SUPT3H: variants seen among roughly 807,000 people sequenced by gnomAD.
The protein encoded by SUPT3H is SPT3 homolog, SAGA and STAGA complex component, also known as transcription initiation protein SPT3 homolog.
A neutral mutation model predicts 44.3 loss-of-function variants in SUPT3H; 44 were observed. The observed-to-expected ratio is 0.99, with a 90% CI of 0.78 to 1.28. The LOEUF (loss-of-function observed/expected upper bound fraction) is 1.28. SUPT3H is among the 50% of genes most tolerant of loss of function. The pLI, the probability that SUPT3H is intolerant of heterozygous loss-of-function variation, is 0.00. For missense variants in SUPT3H, 380 were observed against 387.1 expected (o/e 0.98, Z 0.15); for synonymous variants, 124 against 125.6 (o/e 0.99, Z 0.09).
At chr6:45,245,901 C>T (rs747888446) in intron 2 of SUPT3H, among the ~76,000 whole-genome samples, 4 of 152,112 alleles carry the variant, frequency 2.6e-5, no homozygotes, top group South Asian at 2.1e-4. Context: ...TCCTACCAGC[C>T]ATGCAGAAGT....
chr6:45,271,338 C>T (rs1230238534), intron 2 of SUPT3H, among the ~76,000 whole-genome samples: 1 of 152,166 alleles, frequency 6.6e-6, no homozygotes, highest in Non-Finnish European at 1.5e-5. Context: ...AAATGGTTTC[C>T]TGGGCCAGGC....
chr6:45,095,668 C>T lies in SUPT3H; in HGVS notation c.186+10254G>A, dbSNP rs1797697175. 6.6e-6 allele frequency among the ~76,000 whole-genome samples: 1 copy of T among 152,106 alleles called. No individual in the cohort carries two copies. The highest frequency in any genetic ancestry group is 1.5e-5 in the Non-Finnish European group (1 of 67,990). ...AATGGAATGGTAATTACATTCTATGCATAAAATGTAGTGAATCTTTTGATA... is the reference window on the plus strand; with the variant it reads ...AATGGAATGGTAATTACATTCTATGTATAAAATGTAGTGAATCTTTTGATA... On this transcript the variant is annotated intron_variant, in intron 3 of 10. Transcript: ENST00000371459. This position sits in a 1 kb window ranked among gnomAD's most constrained non-coding sequence, Gnocchi z 4.1.
intron 3 of SUPT3H, among the ~76,000 whole-genome samples, chr6:45,039,380 T>C (rs1788163353): frequency 6.6e-6 from 1 of 152,010 alleles, no homozygotes; most frequent in African/African-American, 2.4e-5. Flanking sequence ...CAAAACAAAA[T>C]AGCAAAATGT....
At chr6:45,112,605 A>G (rs898027998) in intron 2 of SUPT3H, among the ~76,000 whole-genome samples, 1 of 152,034 alleles carries the variant, frequency 6.6e-6, no homozygotes, top group African/African-American at 2.4e-5. Context: ...CTAACAGAGG[A>G]GAAGGGCTGA....
chr6:45,328,872 A>G (rs1390839864), intron 2 of SUPT3H: 2 of 1,345,654 alleles, frequency 1.5e-6, no homozygotes, highest in Admixed American at 3.4e-5. Context: ...AGCTTTTCCA[A>G]ATAGCATATT....
At chr6:45,087,117 C>A (rs886247301) in intron 3 of SUPT3H, among the ~76,000 whole-genome samples, 2 of 151,764 alleles carry the variant, frequency 1.3e-5, no homozygotes, top group African/African-American at 2.4e-5. Context: ...TAAAGCATAG[C>A]AAATTTTTAC....
intron 2 of SUPT3H, among the ~76,000 whole-genome samples, chr6:45,202,279 C>T (rs950559409): frequency 6.6e-6 from 1 of 151,704 alleles, no homozygotes; most frequent in Non-Finnish European, 1.5e-5. Flanking sequence ...TGATACCTTC[C>T]TTGGAACGTT....
intron 6 of SUPT3H, among the ~76,000 whole-genome samples, chr6:44,973,811 T>G (rs1264370844): frequency 6.6e-6 from 1 of 152,132 alleles, no homozygotes; most frequent in Non-Finnish European, 1.5e-5. Flanking sequence ...CTTCTTCACA[T>G]GGTGGCAGCA....
At position 45,020,736 on chromosome 6, in the gene SUPT3H, T is replaced by C. The variant is rs59495257; in HGVS notation, c.187-104A>G. 1.2e-3 allele frequency: 851 copies of C among 704,296 alleles called. 7 individuals are homozygous for C. In the African/African-American group the frequency reaches 0.014, roughly 12 times the overall value. 43.6% of individuals were successfully genotyped at this position (704,296 alleles called of 1,614,324 possible). A position where few individuals can be genotyped will look rare whatever the true frequency, so the allele number is the denominator to read the frequency against. On this transcript the variant is annotated intron_variant, in intron 3 of 10. Transcript: ENST00000371459. ...TAAATATACTAAGAGTTAAAAACCT[T>C]TGGGAAATAATCCAGCAATCACATT...
At chr6:44,967,748 A>C (rs751512033) in intron 6 of SUPT3H, among the ~76,000 whole-genome samples, 3 of 152,170 alleles carry the variant, frequency 2.0e-5, no homozygotes, top group African/African-American at 7.2e-5. Flanking sequence ...CATAACTTTC[A>C]AACCAAGATG....
At chr6:44,970,285 A>T (rs565224947) in intron 6 of SUPT3H, among the ~76,000 whole-genome samples, 1 of 152,198 alleles carries the variant, frequency 6.6e-6, no homozygotes, top group African/African-American at 2.4e-5. Context: ...GAAAAAAACC[A>T]TATGTAATAA....
intron 2 of SUPT3H, among the ~76,000 whole-genome samples, chr6:45,272,358 C>A (rs1584611325): frequency 6.6e-6 from 1 of 152,174 alleles, no homozygotes; most frequent in African/African-American, 2.4e-5. Context: ...TTTTCCCATG[C>A]TGTTCTTGTG....
chr6:45,332,359 T>TA (rs983188820), intron 2 of SUPT3H, among the ~76,000 whole-genome samples: 79 of 151,572 alleles, frequency 5.2e-4, no homozygotes, highest in African/African-American at 1.8e-3. Flanking sequence ...TATATATATT[T>TA]AAAAAAAAGG....
chr6:45,050,143 G>A (rs1056470759), intron 3 of SUPT3H, among the ~76,000 whole-genome samples: 5 of 152,090 alleles, frequency 3.3e-5, no homozygotes, highest in Admixed American at 1.3e-4. Flanking sequence ...ATCTCCTGAA[G>A]TACTTCTATA....
intron 2 of SUPT3H, among the ~76,000 whole-genome samples, chr6:45,300,929 T>C (rs1782052518): frequency 6.6e-6 from 1 of 152,098 alleles, no homozygotes; most frequent in African/African-American, 2.4e-5. Context: ...AGCTAAAGAC[T>C]AGCCTCAACC....
chr6:44,989,307 G>A (rs941063130), intron 6 of SUPT3H, among the ~76,000 whole-genome samples: 55 of 151,974 alleles, frequency 3.6e-4, no homozygotes, highest in African/African-American at 1.3e-3. Context: ...GTCACAAATG[G>A]CACAATATCC....
chr6:45,102,689 C>G (rs1420972941), intron 3 of SUPT3H, among the ~76,000 whole-genome samples: 2 of 152,078 alleles, frequency 1.3e-5, no homozygotes, highest in Admixed American at 1.3e-4. Context: ...TGCTTGTAAT[C>G]GCAGCACTTT....
At chr6:45,007,179 T>C (rs1782832247) in intron 5 of SUPT3H, among the ~76,000 whole-genome samples, 1 of 152,138 alleles carries the variant, frequency 6.6e-6, no homozygotes, top group East Asian at 1.9e-4. Context: ...GTGATTCATT[T>C]AATAATTCCT....
chr6:44,883,119 T>G (rs2153435813), intron 10 of SUPT3H, among the ~76,000 whole-genome samples: 1 of 152,312 alleles, frequency 6.6e-6, no homozygotes, highest in East Asian at 1.9e-4. Flanking sequence ...GGTGACATGA[T>G]TGTATATTTA....
Sources: allele counts gnomAD v4.1 joint callset (sites outside exome capture counted in the v4.1 genomes callset), GRCh38; gene constraint gnomAD v4.1.1; non-coding constraint Gnocchi (gnomAD v3.1); transcripts MANE v1.5; gene names NCBI Gene and HGNC (gene_info 2026-07-23, HGNC 2026-07-21).